Variants in TNRC6A observed in about 807,000 individuals in gnomAD.
TNRC6A encodes trinucleotide repeat containing adaptor 6A.
Under a neutral mutation model 221.2 loss-of-function variants are expected in TNRC6A, and 44 were observed. The observed-to-expected ratio is 0.20, with a 90% confidence interval of 0.16 to 0.26. The LOEUF (loss-of-function observed/expected upper bound fraction) is 0.26, where lower values mean the gene tolerates loss of function less well. Among genes scored for constraint, TNRC6A ranks in the 10% least tolerant of loss-of-function variants. TNRC6A has a pLI of 1.00. For synonymous variants in TNRC6A, 847 were observed against 838.5 expected, an observed-to-expected ratio of 1.01 and a Z score of -0.18; for missense variants, 2,199 against 2,404.4, an observed-to-expected ratio of 0.91 and a Z score of 1.79.
At chr16:24,726,588 C>T (rs2056496730), upstream of TNRC6A, among the ~76,000 whole-genome samples, 1 of 152,032 alleles carries the variant, frequency 6.6e-6, no homozygotes, top group Non-Finnish European at 1.5e-5. Context: ...ATGGGGATAT[C>T]AGGTTAAAGA....
intron 2 of TNRC6A, among the ~76,000 whole-genome samples, chr16:24,649,969 A>C (rs1441413361): frequency 2.0e-5 from 3 of 151,590 alleles, no homozygotes; most frequent in Non-Finnish European, 4.4e-5. Flanking sequence ...TATTACAGGC[A>C]TGCGCAACCA....
At chr16:24,658,461 G>A (rs1056477398) in intron 2 of TNRC6A, among the ~76,000 whole-genome samples, 2 of 151,708 alleles carry the variant, frequency 1.3e-5, no homozygotes, top group Non-Finnish European at 1.5e-5. Flanking sequence ...TTCCCAATTC[G>A]AGCAATTCTC....
At chr16:24,683,949 T>C (rs1488324733) in intron 2 of TNRC6A, among the ~76,000 whole-genome samples, 2 of 152,022 alleles carry the variant, frequency 1.3e-5, no homozygotes, top group Non-Finnish European at 2.9e-5. Context: ...AAGCCAGGAG[T>C]GTCTTGTCCA....
At chr16:24,661,521 C>T (rs900119295) in intron 2 of TNRC6A, 9 of 152,662 alleles carry the variant, frequency 5.9e-5, no homozygotes, top group African/African-American at 1.9e-4. Context: ...TCAAGCGATT[C>T]TTCTGCCTCA....
intron 2 of TNRC6A, among the ~76,000 whole-genome samples, chr16:24,647,220 C>T (rs1338301993): frequency 6.6e-6 from 1 of 152,174 alleles, no homozygotes; most frequent in Non-Finnish European, 1.5e-5. Context: ...GTGTGAGCCA[C>T]CACGCCAGCC....
chr16:24,657,249 T>G (rs1447646183), intron 2 of TNRC6A, among the ~76,000 whole-genome samples: 2 of 137,044 alleles, frequency 1.5e-5, no homozygotes, highest in Non-Finnish European at 3.0e-5. Flanking sequence ...GCCTGGGAGG[T>G]CAAGGCTACA....
At chr16:24,686,784 G>C (rs1164141119) in intron 2 of TNRC6A, among the ~76,000 whole-genome samples, 1 of 152,186 alleles carries the variant, frequency 6.6e-6, no homozygotes. Flanking sequence ...ACCGTGGGAA[G>C]CCCGAGCTCT....
At chr16:24,821,203 G>T (rs1040503392) in intron 22 of TNRC6A, among the ~76,000 whole-genome samples, 1 of 152,120 alleles carries the variant, frequency 6.6e-6, no homozygotes, top group African/African-American at 2.4e-5. Flanking sequence ...GTGGTTTTTG[G>T]TTTGGTGTGA....
chr16:24,778,595 C>T, intron 5 of TNRC6A: 2 of 616,066 alleles, frequency 3.2e-6, no homozygotes, highest in Non-Finnish European at 4.1e-6. Flanking sequence ...CATAACACAT[C>T]TGACCTTCTT....
chr16:24,672,481 A>G (rs1468525577), intron 2 of TNRC6A, among the ~76,000 whole-genome samples: 7 of 151,704 alleles, frequency 4.6e-5, no homozygotes, highest in African/African-American at 1.5e-4. Flanking sequence ...TCACGAAGTC[A>G]CCCAGGCTGG....
chr16:24,673,709 C>T (rs1010298388), intron 2 of TNRC6A, among the ~76,000 whole-genome samples: 23 of 152,082 alleles, frequency 1.5e-4, no homozygotes, highest in Admixed American at 3.9e-4. Context: ...TACAGGCCTA[C>T]GCCACTGTGC....
At chr16:24,692,114 G>A (rs915430499) in intron 2 of TNRC6A, among the ~76,000 whole-genome samples, 2 of 152,148 alleles carry the variant, frequency 1.3e-5, no homozygotes, top group Admixed American at 6.6e-5. Flanking sequence ...CTAACATGGG[G>A]TTTCCATGCT....
At chr16:24,809,502 CAAAAAAA>C in intron 18 of TNRC6A, 21 bp downstream of exon 18, 1 of 1,170,830 alleles carries the variant, frequency 8.5e-7, no homozygotes, top group Non-Finnish European at 1.1e-6. Flanking sequence ...TACATCTTAC[CAAAAAAA>C]AAAAAAAAAC....
Position 24,789,428 on chromosome 16 carries a change from T to G in TNRC6A, c.786T>G (p.Ser262=). The change falls in exon 6 of 25, where the codon TCT becomes TCG. Residue 262 remains serine (S), a synonymous_variant. Transcript: ENST00000395799. ...TGGATGCTGATTCTGCCTCCAGTTC[T>G]GAATCAGAGAGAAACATCACTATCA... The part of the protein sequence containing the change: ...ECMDADSASS[S]ESERNITIMA... The G allele has an allele frequency of 6.2e-7, 1 of 1,614,186 alleles. No homozygotes were observed. Among genetic ancestry groups the G allele is most frequent in the Non-Finnish European group, 8.5e-7 (1 of 1,180,044 alleles).
intron 4 of TNRC6A, among the ~76,000 whole-genome samples, chr16:24,759,044 C>G (rs897118545): frequency 6.6e-6 from 1 of 151,852 alleles, no homozygotes; most frequent in African/African-American, 2.4e-5. Flanking sequence ...TAAGCTCTAT[C>G]AAAAGTATAA....
At chr16:24,678,903 C>A (rs1235050559) in intron 2 of TNRC6A, among the ~76,000 whole-genome samples, 1 of 152,028 alleles carries the variant, frequency 6.6e-6, no homozygotes, top group African/African-American at 2.4e-5. Flanking sequence ...CCTCTAATGA[C>A]CCGAATTAAC....
chr16:24,770,135 G>T (rs947188084), intron 4 of TNRC6A, among the ~76,000 whole-genome samples: 2 of 152,172 alleles, frequency 1.3e-5, no homozygotes, highest in African/African-American at 2.4e-5. Flanking sequence ...AAAAATATTT[G>T]CAAGAAAGGT....
At chr16:24,795,992 G>T (rs758578822) in intron 9 of TNRC6A, 53 bp downstream of exon 9, 26 of 1,587,424 alleles carry the variant, frequency 1.6e-5, no homozygotes, top group Middle Eastern at 1.7e-4. Context: ...AAAATCTTTA[G>T]AAAGCAACTG....
intron 2 of TNRC6A, among the ~76,000 whole-genome samples, chr16:24,745,779 C>G (rs188728914): frequency 7.1e-6 from 1 of 139,976 alleles, no homozygotes; most frequent in Non-Finnish European, 1.5e-5. Flanking sequence ...GTAGCTGAGA[C>G]TACAGGTATG....
Sources: allele counts gnomAD v4.1 joint callset (sites outside exome capture counted in the v4.1 genomes callset), GRCh38; gene constraint gnomAD v4.1.1; transcripts MANE v1.5; gene names NCBI Gene and HGNC (gene_info 2026-07-23, HGNC 2026-07-21).